Variants in CYYR1 observed in about 807,000 individuals in gnomAD.
The protein encoded by CYYR1 is cysteine and tyrosine rich 1.
Under a neutral mutation model 15.2 loss-of-function variants are expected in CYYR1, and 14 were observed. The ratio of observed to expected loss-of-function variants is 0.92; its 90% CI spans 0.61 to 1.44. The LOEUF (loss-of-function observed/expected upper bound fraction) is 1.44, where lower values mean the gene tolerates loss of function less well. Ranked by LOEUF, CYYR1 falls within the 40% of genes most tolerant of loss-of-function variation. The pLI is 0.00. For synonymous variants in CYYR1, 80 were observed against 77.4 expected (o/e 1.03, Z -0.18); for missense variants, 228 against 209.5 (o/e 1.09, Z -0.54).
At chr21:26,520,949 G>A (rs1238440393) in intron 2 of CYYR1, among the ~76,000 whole-genome samples, 1 of 152,138 alleles carries the variant, frequency 6.6e-6, no homozygotes, top group East Asian at 1.9e-4. Flanking sequence ...ACCAAACACT[G>A]CGCGTTCTCA....
At chr21:26,498,270 A>G in intron 2 of CYYR1, among the ~76,000 whole-genome samples, 1 of 152,214 alleles carries the variant, frequency 6.6e-6, no homozygotes, top group East Asian at 1.9e-4. Flanking sequence ...TTCTCATAGC[A>G]TTCTTGCTAG....
chr21:26,530,615 C>T (rs2065919688), intron 2 of CYYR1, among the ~76,000 whole-genome samples: 2 of 152,170 alleles, frequency 1.3e-5, no homozygotes, highest in Non-Finnish European at 1.5e-5. Flanking sequence ...CTCCCCTATC[C>T]CCCAACCCCT....
chr21:26,547,736 C>T (rs866676556), intron 2 of CYYR1, among the ~76,000 whole-genome samples: 1 of 151,724 alleles, frequency 6.6e-6, no homozygotes, highest in Non-Finnish European at 1.5e-5. Flanking sequence ...ATTCAGGTTA[C>T]GGGTTTTGTT....
intron 2 of CYYR1, among the ~76,000 whole-genome samples, chr21:26,519,428 A>T (rs181739041): frequency 6.6e-6 from 1 of 152,162 alleles, no homozygotes; most frequent in Non-Finnish European, 1.5e-5. Context: ...TGGCACAGCT[A>T]GGAGAGGGAC....
At chr21:26,545,567 CTTTTTTT>C (rs770885517) in intron 2 of CYYR1, among the ~76,000 whole-genome samples, 14 of 73,748 alleles carry the variant, frequency 1.9e-4, no homozygotes, top group Middle Eastern at 0.029. Context: ...GATGCTTATT[CTTTTTTT>C]TTTTTTTTTT....
chr21:26,498,640 T>C (rs949222224), intron 2 of CYYR1, among the ~76,000 whole-genome samples: 2 of 152,238 alleles, frequency 1.3e-5, no homozygotes, highest in Non-Finnish European at 2.9e-5. Context: ...GCTGTTGTAT[T>C]AGTCTATTCT....
chr21:26,572,776 C>G, intron 1 of CYYR1, 92 bp downstream of exon 1: 1 of 1,482,816 alleles, frequency 6.7e-7, no homozygotes, highest in Middle Eastern at 2.1e-4. Flanking sequence ...TGCAAAGGTC[C>G]CGGTCCGTCC....
At position 26,467,450 on chromosome 21, in the gene CYYR1, A is replaced by G. The variant is rs538863967; in HGVS notation, c.*1051T>C. 2 of 152,306 alleles carry G rather than the reference A, an allele frequency of 1.3e-5. No homozygotes were observed. The highest frequency in any genetic ancestry group is 2.1e-4 in the South Asian group (1 of 4,826). 9.4% of individuals were successfully genotyped at this position (152,306 alleles called of 1,614,324 possible). On this transcript the variant is annotated 3_prime_UTR_variant, in exon 4 of 4. Coordinates refer to ENST00000652641, the MANE Select transcript of CYYR1 (RefSeq NM_001320768.2). ...AAAAATAATAGTTTTAAGGAAATCT[A>G]CAGAAGGGAATCTGAACTTCATTTC...
intron 3 of CYYR1, among the ~76,000 whole-genome samples, chr21:26,476,211 A>G (rs529535301): frequency 2.7e-4 from 41 of 152,106 alleles, no homozygotes; most frequent in Non-Finnish European, 5.6e-4. Context: ...GGTTTGTCAG[A>G]TATTTTCTCA....
intron 3 of CYYR1, among the ~76,000 whole-genome samples, chr21:26,472,244 A>C (rs2065044222): frequency 1.3e-5 from 2 of 152,188 alleles, no homozygotes; most frequent in Admixed American, 1.3e-4. Context: ...CTGCCTTAGC[A>C]GTTATTCCAT....
intron 2 of CYYR1, among the ~76,000 whole-genome samples, chr21:26,560,243 T>C (rs957167675): frequency 2.0e-5 from 3 of 152,196 alleles, no homozygotes; most frequent in Non-Finnish European, 4.4e-5. Context: ...TCTATTACAT[T>C]TTCTTATTGA....
In CYYR1 at chr21:26,468,407, C is replaced by A; in HGVS notation, c.*94G>T. On this transcript the variant is annotated 3_prime_UTR_variant, in exon 4 of 4. Coordinates refer to ENST00000652641, the MANE Select transcript of CYYR1 (RefSeq NM_001320768.2). ...ACATTATCTGACCCCAAAAAGTATT[C>A]CTTGGAGCAATTCTTTCCTGCCTGT... 1.2e-6 allele frequency: 1 copy of A among 859,210 alleles called. No individual in the cohort carries two copies. Among genetic ancestry groups the A allele is most frequent in the South Asian group, 1.3e-5 (1 of 75,274 alleles). The allele number at this position is 859,210 out of a possible 1,614,324, so 53.2% of individuals were successfully genotyped here.
intron 2 of CYYR1, among the ~76,000 whole-genome samples, chr21:26,529,374 A>G (rs2065902811): frequency 6.6e-6 from 1 of 152,246 alleles, no homozygotes; most frequent in South Asian, 2.1e-4. Context: ...ACAGAGTCAC[A>G]TATTAATATA....
chr21:26,484,354 A>C (rs1007349165), intron 2 of CYYR1, among the ~76,000 whole-genome samples: 2 of 152,100 alleles, frequency 1.3e-5, no homozygotes, highest in Non-Finnish European at 2.9e-5. Context: ...TTTCTCTCTA[A>C]CACTTTTCCC....
At chr21:26,527,905 A>G (rs987431673) in intron 2 of CYYR1, among the ~76,000 whole-genome samples, 2 of 152,222 alleles carry the variant, frequency 1.3e-5, no homozygotes, top group African/African-American at 4.8e-5. Context: ...TTTAAAAATG[A>G]CAAAGGAATG....
chr21:26,495,316 C>T (rs2065382667), intron 2 of CYYR1, among the ~76,000 whole-genome samples: 1 of 152,156 alleles, frequency 6.6e-6, no homozygotes, highest in South Asian at 2.1e-4. Context: ...CAAGTGAGTG[C>T]TAGCAGCAAG....
At chr21:26,524,438 G>C (rs564868333) in intron 2 of CYYR1, among the ~76,000 whole-genome samples, 1 of 152,148 alleles carries the variant, frequency 6.6e-6, no homozygotes, top group African/African-American at 2.4e-5. Flanking sequence ...GTGGAAAGCA[G>C]GAAAATATAT....
intron 2 of CYYR1, among the ~76,000 whole-genome samples, chr21:26,543,197 G>A (rs770397135): frequency 2.0e-5 from 3 of 152,090 alleles, no homozygotes; most frequent in Admixed American, 6.5e-5. Flanking sequence ...TGGTGGATGC[G>A]GGGAGGAAGA....
intron 3 of CYYR1, among the ~76,000 whole-genome samples, chr21:26,474,408 C>CAT (rs2065075498): frequency 8.0e-6 from 1 of 125,562 alleles, no homozygotes; most frequent in Non-Finnish European, 1.6e-5. Flanking sequence ...TACACCGTGC[C>CAT]TTTTTTTTTT....
Sources: allele counts gnomAD v4.1 joint callset (sites outside exome capture counted in the v4.1 genomes callset), GRCh38; gene constraint gnomAD v4.1.1; transcripts MANE v1.5; gene names NCBI Gene and HGNC (gene_info 2026-07-23, HGNC 2026-07-21).